The following UQCC1 variants were observed in gnomAD, a reference collection of about 807,000 sequenced individuals.
UQCC1 encodes the protein ubiquinol-cytochrome c reductase complex assembly factor 1, also known as bFGF-repressed Zic-binding protein.
UQCC1 carries 38 observed loss-of-function variants against 48.0 expected under a neutral mutation model. That is an observed-to-expected ratio of 0.79 (90% CI 0.61 to 1.04). The LOEUF is 1.04. UQCC1 is among the 50% of genes least tolerant of loss of function. The pLI, the probability that UQCC1 is intolerant of heterozygous loss-of-function variation, is 0.00. For missense variants in UQCC1, 368 were observed against 381.8 expected, an observed-to-expected ratio of 0.96 and a Z score of 0.30; for synonymous variants, 111 against 129.2, an observed-to-expected ratio of 0.86 and a Z score of 0.95.
intron 6 of UQCC1, among the ~76,000 whole-genome samples, chr20:35,351,725 G>C (rs895706151): frequency 1.3e-5 from 2 of 152,208 alleles, no homozygotes; most frequent in African/African-American, 2.4e-5. Context: ...GATTTTCTCA[G>C]ACCATAAACT....
At chr20:35,390,353 C>T (rs1233331553) in intron 2 of UQCC1, among the ~76,000 whole-genome samples, 3 of 148,834 alleles carry the variant, frequency 2.0e-5, no homozygotes, top group African/African-American at 7.5e-5. Flanking sequence ...ACCTGGGAGG[C>T]GGAGGTTGCA....
chr20:35,351,886 A>G (rs2061493613), intron 6 of UQCC1, among the ~76,000 whole-genome samples: 1 of 152,248 alleles, frequency 6.6e-6, no homozygotes, highest in African/African-American at 2.4e-5. Context: ...CTGACAATTC[A>G]CTCAATGAAC....
intron 5 of UQCC1, among the ~76,000 whole-genome samples, chr20:35,371,419 C>T (rs926614500): frequency 2.0e-5 from 3 of 149,660 alleles, no homozygotes; most frequent in African/African-American, 7.4e-5. Context: ...CTCACTGCAA[C>T]CTCTGCCTCC....
chr20:35,376,927 C>T (rs902136835), intron 4 of UQCC1, among the ~76,000 whole-genome samples: 2 of 149,360 alleles, frequency 1.3e-5, no homozygotes, highest in African/African-American at 2.5e-5. Context: ...TCCAGCCTGG[C>T]GACAGAGTGA....
At chr20:35,355,888 T>A (rs1227783376) in intron 6 of UQCC1, among the ~76,000 whole-genome samples, 1 of 151,450 alleles carries the variant, frequency 6.6e-6, no homozygotes, top group African/African-American at 2.4e-5. Flanking sequence ...TACTATCTTT[T>A]TTTTTTTTTT....
intron 7 of UQCC1, among the ~76,000 whole-genome samples, chr20:35,323,221 C>T (rs890293756): frequency 1.3e-5 from 2 of 152,188 alleles, no homozygotes; most frequent in Non-Finnish European, 2.9e-5. Flanking sequence ...AAGAATCACA[C>T]AAGCACAAAG....
chr20:35,394,417 T>G (rs2062050448), intron 1 of UQCC1, among the ~76,000 whole-genome samples: 1 of 152,090 alleles, frequency 6.6e-6, no homozygotes, highest in South Asian at 2.1e-4. Context: ...TTTATGCTAA[T>G]GAGGTGATTC....
intron 3 of UQCC1, among the ~76,000 whole-genome samples, chr20:35,382,502 TTTC>T (rs948611017): frequency 1.4e-5 from 2 of 146,048 alleles, no homozygotes; most frequent in Non-Finnish European, 3.0e-5. Flanking sequence ...TTCTTTTTTT[TTTC>T]TTTTTTCTTT....
intron 7 of UQCC1, among the ~76,000 whole-genome samples, chr20:35,319,349 T>C (rs1349724430): frequency 2.0e-5 from 3 of 152,136 alleles, no homozygotes; most frequent in Non-Finnish European, 2.9e-5. Flanking sequence ...GAGCACTCAA[T>C]AGGAGGCTTG....
At position 35,366,629 on chromosome 20, in the gene UQCC1, T is replaced by A. The variant is rs542381306; in HGVS notation, c.407-15A>T. ...CATCTGACACCCTAGAAAATAACAATAAGGTATAAGTATGTGAGGGTTTAA... is the reference window on the plus strand; with the variant it reads ...CATCTGACACCCTAGAAAATAACAAAAAGGTATAAGTATGTGAGGGTTTAA... On this transcript the variant is annotated splice_polypyrimidine_tract_variant and intron_variant, in intron 5 of 9. Transcript: ENST00000374385. 3 of 1,608,432 alleles carry A rather than the reference T, an allele frequency of 1.9e-6. No homozygotes were observed. The African/African-American group carries it at 4.0e-5, about 21-fold the overall frequency.
At chr20:35,329,008 T>G (rs2061228488) in intron 7 of UQCC1, among the ~76,000 whole-genome samples, 1 of 152,194 alleles carries the variant, frequency 6.6e-6, no homozygotes. Flanking sequence ...ACAAAAATGT[T>G]CCTTGAATAA....
rs1281675573 is a variant in UQCC1 at position 35,303,694 on chromosome 20, G to C, written c.*241C>G. On this transcript the variant is annotated 3_prime_UTR_variant, in exon 10 of 10. Coordinates refer to ENST00000374385, the MANE Select transcript of UQCC1 (RefSeq NM_018244.5). The stretch of plus-strand genomic sequence containing the variant: ...GTGTGTGCTGGGGGACTCTCACTCG[G>C]GGCTTCCCCTAAGGGAGAGGACACC... 1 of 544,734 alleles carries C rather than the reference G, an allele frequency of 1.8e-6. No individual in the cohort carries two copies. Among genetic ancestry groups the C allele is most frequent in the East Asian group, 3.1e-5 (1 of 31,946 alleles). The allele number at this position is 544,734 out of a possible 1,614,324, so 33.7% of individuals were successfully genotyped here.
chr20:35,328,011 G>GAAAAAAAAAAAAAAAA (rs11481307), intron 7 of UQCC1, among the ~76,000 whole-genome samples: 1 of 125,740 alleles, frequency 8.0e-6, no homozygotes, highest in African/African-American at 2.9e-5. Flanking sequence ...ACAAAAAAAG[G>GAAAAAAAAAAAAAAAA]AAAAAAAAAA....
intron 7 of UQCC1, among the ~76,000 whole-genome samples, chr20:35,334,031 T>C (rs762929099): frequency 2.2e-4 from 34 of 152,184 alleles, no homozygotes; most frequent in Non-Finnish European, 4.4e-4. Flanking sequence ...GCTAGAAATT[T>C]AGTTTGTGCT....
chr20:35,306,520 C>T, intron 9 of UQCC1, 146 bp downstream of exon 9: 1 of 632,832 alleles, frequency 1.6e-6, no homozygotes, highest in South Asian at 1.9e-5. Context: ...GAAGGCGCTC[C>T]TTCTTCAGCG....
At chr20:35,344,396 GAT>G (rs1187782145) in intron 7 of UQCC1, 2 of 152,382 alleles carry the variant, frequency 1.3e-5, no homozygotes, top group Non-Finnish European at 2.9e-5. Flanking sequence ...AGCTATTCAG[GAT>G]AGAGACAGCT....
chr20:35,364,900 T>C (rs915429864), intron 6 of UQCC1, among the ~76,000 whole-genome samples: 1 of 152,236 alleles, frequency 6.6e-6, no homozygotes. Flanking sequence ...GAGTCTTTCA[T>C]ACAGGTTCTG....
intron 7 of UQCC1, among the ~76,000 whole-genome samples, chr20:35,343,529 C>T (rs142364631): frequency 6.6e-6 from 1 of 152,274 alleles, no homozygotes; most frequent in East Asian, 1.9e-4. Context: ...AATTGTCTTG[C>T]CTATATAAGG....
intron 2 of UQCC1, chr20:35,392,168 T>C (rs1601008527): frequency 8.7e-7 from 1 of 1,148,720 alleles, no homozygotes; most frequent in Non-Finnish European, 1.2e-6. Flanking sequence ...CATCCCATTA[T>C]GCACAATTCT....
Sources: allele counts gnomAD v4.1 joint callset (sites outside exome capture counted in the v4.1 genomes callset), GRCh38; gene constraint gnomAD v4.1.1; transcripts MANE v1.5; gene names NCBI Gene and HGNC (gene_info 2026-07-23, HGNC 2026-07-21).